The following TBC1D21 variants were observed in gnomAD, a reference collection of about 807,000 sequenced individuals.
TBC1D21 encodes TBC1 domain family member 21.
A neutral mutation model predicts 46.0 loss-of-function variants in TBC1D21; 38 were observed. The observed-to-expected ratio is 0.83, with a 90% confidence interval of 0.64 to 1.08. The LOEUF (loss-of-function observed/expected upper bound fraction) is 1.08, where lower values mean the gene tolerates loss of function less well. TBC1D21 is among the 50% of genes least tolerant of loss of function. The probability of loss-of-function intolerance (pLI) is 0.00; values close to 1 mark genes in which losing one functional copy is unlikely to be tolerated. For missense variants in TBC1D21, 415 were observed against 417.9 expected (o/e 0.99, Z 0.06); for synonymous variants, 151 against 157.2 (o/e 0.96, Z 0.29).
At chr15:73,887,281 C>T (rs1482328541) in intron 8 of TBC1D21, among the ~76,000 whole-genome samples, 1 of 152,180 alleles carries the variant, frequency 6.6e-6, no homozygotes, top group Non-Finnish European at 1.5e-5. Flanking sequence ...TCCCATCAAC[C>T]CTTGCTTGCC....
intron 1 of TBC1D21, among the ~76,000 whole-genome samples, chr15:73,880,304 C>CCCCA (rs1555429277): frequency 1.3e-5 from 2 of 149,378 alleles, no homozygotes; most frequent in East Asian, 2.0e-4. Flanking sequence ...CAGATATATA[C>CCCCA]CACACACACA....
chr15:73,898,902 T>TATATATATATATATATATATATACAC, the TBC1D21 span, among the ~76,000 whole-genome samples: 16 of 112,870 alleles, frequency 1.4e-4, no homozygotes, highest in South Asian at 3.0e-4. Flanking sequence ...TATATATATA[T>TATATATATATATATATATATATACAC]ACACACACAC....
At chr15:73,877,514 TAAAAAAAAAAAAAAAAAA>T (rs541803630) in intron 1 of TBC1D21, among the ~76,000 whole-genome samples, 1 of 72,728 alleles carries the variant, frequency 1.4e-5, no homozygotes, top group Middle Eastern at 0.014. Flanking sequence ...TCCAGAAAAC[TAAAAAAAAAAAAAAAAAA>T]AAAAAAAAAA....
At chr15:73,888,534 GTCC>G (rs768364200) in intron 10 of TBC1D21, 21 bp downstream of exon 10, 50 of 1,570,816 alleles carry the variant, frequency 3.2e-5, no homozygotes, top group Non-Finnish European at 3.6e-5. Context: ...CCAATGATGT[GTCC>G]TCCTCCTCCT....
chr15:73,876,210 T>TGC (rs2068059925), intron 1 of TBC1D21, among the ~76,000 whole-genome samples: 1 of 30,002 alleles, frequency 3.3e-5, no homozygotes, highest in Non-Finnish European at 5.7e-5. Context: ...TTTTTTTTTT[T>TGC]TTTTTTTTTT....
At chr15:73,875,246 CAAAA>C (rs36042249) in intron 1 of TBC1D21, among the ~76,000 whole-genome samples, 5 of 102,624 alleles carry the variant, frequency 4.9e-5, no homozygotes, top group Admixed American at 1.1e-4. Flanking sequence ...GAGACTCCAT[CAAAA>C]AAAAAAAAAA....
the TBC1D21 span, among the ~76,000 whole-genome samples, chr15:73,905,138 C>T: frequency 6.6e-6 from 1 of 152,184 alleles, no homozygotes; most frequent in African/African-American, 2.4e-5. Context: ...GACAAGGCCT[C>T]CCACGCCCTC....
chr15:73,904,069 C>T, the TBC1D21 span, among the ~76,000 whole-genome samples: 1 of 150,498 alleles, frequency 6.6e-6, no homozygotes, highest in Non-Finnish European at 1.5e-5. Context: ...TATATATATA[C>T]TCTGGCAACA....
chr15:73,909,502 C>T, the TBC1D21 span, among the ~76,000 whole-genome samples: 3 of 152,206 alleles, frequency 2.0e-5, no homozygotes, highest in Non-Finnish European at 4.4e-5. Context: ...GACAGAGTTT[C>T]ATCAGGGCCT....
chr15:73,888,325 C>A, intron 9 of TBC1D21, 105 bp from the exon 10 acceptor site: 2 of 920,730 alleles, frequency 2.2e-6, no homozygotes, highest in Non-Finnish European at 3.4e-6. Context: ...CTGCTGTGAG[C>A]AGCATCCTTC....
chr15:73,891,417 A>G (rs2068335443), downstream of TBC1D21, among the ~76,000 whole-genome samples: 1 of 152,188 alleles, frequency 6.6e-6, no homozygotes, highest in Admixed American at 6.5e-5. Context: ...CACTGCCATG[A>G]TGCCAGCTGC....
intron 3 of TBC1D21, among the ~76,000 whole-genome samples, chr15:73,883,151 C>T (rs1303545758): frequency 3.9e-5 from 6 of 152,156 alleles, no homozygotes; most frequent in South Asian, 2.1e-4. Flanking sequence ...GGGGCTAGGC[C>T]CAGCCCCAAG....
At chr15:73,874,231 C>T (rs1387193590) in intron 1 of TBC1D21, among the ~76,000 whole-genome samples, 1 of 152,184 alleles carries the variant, frequency 6.6e-6, no homozygotes, top group African/African-American at 2.4e-5. Context: ...ATTACAATAA[C>T]TTTAGCCAAT....
downstream of TBC1D21, among the ~76,000 whole-genome samples, chr15:73,892,487 T>C (rs956527671): frequency 1.3e-5 from 2 of 152,182 alleles, no homozygotes; most frequent in Admixed American, 1.3e-4. Flanking sequence ...TGGTTCTTGG[T>C]GTCTCCAAGC....
chr15:73,898,162 C>T, the TBC1D21 span, among the ~76,000 whole-genome samples: 4 of 152,216 alleles, frequency 2.6e-5, no homozygotes, highest in Admixed American at 6.5e-5. Flanking sequence ...CCTCACCATG[C>T]GCAGGCTCAC....
chr15:73,898,880 A>AAAAAAAAAAAAAAAAAT, the TBC1D21 span, among the ~76,000 whole-genome samples: 1 of 56,778 alleles, frequency 1.8e-5, no homozygotes, highest in East Asian at 3.6e-4. Context: ...AAAAAAAAAA[A>AAAAAAAAAAAAAAAAAT]ATATATATAT....
chr15:73,885,982 A>G, intron 6 of TBC1D21, 96 bp from the exon 7 acceptor site: 1 of 966,686 alleles, frequency 1.0e-6, no homozygotes, highest in Non-Finnish European at 1.6e-6. Flanking sequence ...ACAGACACAC[A>G]GAGCCTCCAG....
At chr15:73,888,338 C>T in intron 9 of TBC1D21, 92 bp from the exon 10 acceptor site, 1 of 1,068,410 alleles carries the variant, frequency 9.4e-7, no homozygotes, top group South Asian at 1.4e-5. Flanking sequence ...CATCCTTCTT[C>T]CCTGGGTGCT....
intron 1 of TBC1D21, among the ~76,000 whole-genome samples, chr15:73,880,302 T>TA (rs1276655022): frequency 4.2e-5 from 2 of 47,348 alleles, no homozygotes; most frequent in East Asian, 8.7e-4. Context: ...CACAGATATA[T>TA]ACCACACACA....
Sources: allele counts gnomAD v4.1 joint callset (sites outside exome capture counted in the v4.1 genomes callset), GRCh38; gene constraint gnomAD v4.1.1; transcripts MANE v1.5; gene names NCBI Gene and HGNC (gene_info 2026-07-23, HGNC 2026-07-21).